MEOX1: variants seen among roughly 807,000 people sequenced by gnomAD.
MEOX1 encodes homeobox protein MOX-1.
In MEOX1, 17 loss-of-function variants were observed where a neutral mutation model predicts 23.2. The ratio of observed to expected loss-of-function variants is 0.73; its 90% CI spans 0.50 to 1.10. The LOEUF is 1.10. Ranked by LOEUF, MEOX1 falls within the 50% of genes least tolerant of loss-of-function variation. The pLI is 0.00. For missense variants in MEOX1, 333 were observed against 332.2 expected, an observed-to-expected ratio of 1.00 and a Z score of -0.02; for synonymous variants, 134 against 135.1, an observed-to-expected ratio of 0.99 and a Z score of 0.06.
In MEOX1 at chr17:43,641,948, C is replaced by T. The variant is rs201573282; in HGVS notation, c.727G>A (p.Glu243Lys). 1.2e-6 allele frequency: 2 copies of T among 1,614,090 alleles called. No individual in the cohort carries two copies. The highest frequency in any genetic ancestry group is 1.7e-5 in the Admixed American group (1 of 60,002). ...GGAGAGGCTGTGGAGTCCCCATCCTCAGGGTCCTGCCCATTGGGGGAGATG... is the reference window on the plus strand; with the variant it reads ...GGAGAGGCTGTGGAGTCCCCATCCTTAGGGTCCTGCCCATTGGGGGAGATG... ...QPISPNGQDP[E>K]DGDSTASPSS... The change falls in exon 3 of 3, where the codon GAG becomes AAG. Residue 243 changes from glutamate to lysine, a missense_variant. Physicochemically the swap from Glu to Lys is moderately conservative, Grantham distance 56. Transcript: ENST00000318579.
chr17:43,642,079 C>A (rs1244914194), intron 2 of MEOX1, 47 bp from the exon 3 acceptor site: 4 of 1,577,504 alleles, frequency 2.5e-6, no homozygotes, highest in Admixed American at 1.8e-5. Flanking sequence ...GCCGGTGTGA[C>A]CTCCTCCCCA....
At chr17:43,656,996 T>TTC (rs1567748160) in intron 1 of MEOX1, among the ~76,000 whole-genome samples, 1 of 128,300 alleles carries the variant, frequency 7.8e-6, no homozygotes, top group Non-Finnish European at 1.6e-5. Flanking sequence ...CTTTCTTTCT[T>TTC]TTTCTTTCTT....
intron 1 of MEOX1, among the ~76,000 whole-genome samples, chr17:43,652,783 T>TATTG (rs1447568403): frequency 6.6e-6 from 1 of 151,640 alleles, no homozygotes. Flanking sequence ...AGGTGACACT[T>TATTG]ATTGGGGTTG....
chr17:43,645,070 C>T (rs747585429), intron 1 of MEOX1, among the ~76,000 whole-genome samples: 1 of 151,898 alleles, frequency 6.6e-6, no homozygotes, highest in Non-Finnish European at 1.5e-5. Flanking sequence ...AAGAAGACCA[C>T]ACACTTACAC....
In MEOX1 at chr17:43,658,120, G is replaced by A. The variant is rs150716542; in HGVS notation, c.469+2946C>T. On this transcript the variant is annotated intron_variant, in intron 1 of 2. Coordinates refer to ENST00000318579, the MANE Select transcript of MEOX1 (RefSeq NM_004527.4). The stretch of plus-strand genomic sequence containing the variant: ...GGCTGGGAAGAACTATGGAAAACGC[G>A]TTTCTGATCAATGCTGGTTAACCTT... Among the ~76,000 whole-genome samples the A allele has an allele frequency of 6.6e-5, 10 of 152,346 alleles. No individual in the cohort carries two copies. The East Asian group carries it at 1.2e-3, about 18-fold the overall frequency.
intron 1 of MEOX1, 54 bp from the exon 2 acceptor site, chr17:43,643,714 CCT>C (rs1972748604): frequency 2.0e-6 from 3 of 1,491,006 alleles, no homozygotes; most frequent in Non-Finnish European, 2.7e-6. Context: ...GACTCCATTC[CCT>C]TTCTTTTGCC....
At chr17:43,655,314 T>G (rs2154588967) in intron 1 of MEOX1, among the ~76,000 whole-genome samples, 1 of 149,736 alleles carries the variant, frequency 6.7e-6, no homozygotes, top group South Asian at 2.1e-4. Flanking sequence ...CTATTAAAAA[T>G]ACAAAAATTA....
chr17:43,656,967 C>T (rs1261922503), intron 1 of MEOX1, among the ~76,000 whole-genome samples: 1 of 150,710 alleles, frequency 6.6e-6, no homozygotes, highest in Non-Finnish European at 1.5e-5. Flanking sequence ...TTCTTTCTTT[C>T]TCCCCGTTTG....
chr17:43,656,722 C>T (rs938671865), intron 1 of MEOX1, among the ~76,000 whole-genome samples: 1 of 152,196 alleles, frequency 6.6e-6, no homozygotes, highest in African/African-American at 2.4e-5. Flanking sequence ...ACTCTAATCA[C>T]ACGCAACCTT....
chr17:43,641,910 T>C lies in MEOX1; in HGVS notation c.765A>G (p.Ter255TrpextTer9), dbSNP rs775448932. ...AGTCATTTTTCCTCCATGCAGAATC[T>C]CACTCTGAACTTGGAGAGGCTGTGG... ...GDSTASPSSE[*>W] The change falls in exon 3 of 3, where the codon TGA becomes TGG. Residue 255 changes from the stop codon to tryptophan (W), a stop_lost. Coordinates refer to ENST00000318579, the MANE Select transcript of MEOX1 (RefSeq NM_004527.4). The C allele has an allele frequency of 1.2e-6, 2 of 1,612,210 alleles. No individual in the cohort carries two copies.
At chr17:43,659,876 C>A (rs1294698998) in intron 1 of MEOX1, among the ~76,000 whole-genome samples, 2 of 152,210 alleles carry the variant, frequency 1.3e-5, no homozygotes, top group Admixed American at 6.5e-5. Flanking sequence ...TCAGTTTGAG[C>A]TTTCTTGGGT....
chr17:43,640,408 A>G lies in MEOX1; in HGVS notation c.*1502T>C, dbSNP rs1424585448. ...GGGAACTTTGCTTTTTATTGATTTT[A>G]TTTCTCCGAGAGTTTTCTTACAAAG... On this transcript the variant is annotated 3_prime_UTR_variant, in exon 3 of 3. Coordinates refer to ENST00000318579, the MANE Select transcript of MEOX1 (RefSeq NM_004527.4). 6.6e-6 allele frequency: 1 copy of G among 152,140 alleles called. No individual in the cohort carries two copies. Among genetic ancestry groups the G allele is most frequent in the African/African-American group, 2.4e-5 (1 of 41,432 alleles). The allele number at this position is 152,140 out of a possible 1,614,324, so 9.4% of individuals were successfully genotyped here.
At chr17:43,657,012 C>CTCTTTTTCTTTCTT (rs1973034853) in intron 1 of MEOX1, among the ~76,000 whole-genome samples, 2 of 105,086 alleles carry the variant, frequency 1.9e-5, no homozygotes, top group Non-Finnish European at 3.8e-5. Context: ...TTCTTTCTTT[C>CTCTTTTTCTTTCTT]TCTTTCTTTC....
intron 1 of MEOX1, among the ~76,000 whole-genome samples, chr17:43,660,477 C>A (rs954413824): frequency 6.6e-6 from 1 of 152,186 alleles, no homozygotes; most frequent in Non-Finnish European, 1.5e-5. Context: ...ATCTGGTGGG[C>A]AGTCTGCCCC....
intron 1 of MEOX1, among the ~76,000 whole-genome samples, chr17:43,650,944 C>T (rs1176118325): frequency 3.3e-5 from 5 of 152,130 alleles, no homozygotes; most frequent in Admixed American, 3.3e-4. Flanking sequence ...AAAGAGACAT[C>T]GGCAGGGCTC....
At chr17:43,643,420 T>G (rs914444862) in intron 2 of MEOX1, 68 bp downstream of exon 2, 17 of 1,372,440 alleles carry the variant, frequency 1.2e-5, no homozygotes, top group African/African-American at 6.1e-5. Flanking sequence ...CAGGGAGGGG[T>G]GGTGGGAAAG....
chr17:43,657,012 CTCTTTCTTTCTTTCTT>C (rs3034954), intron 1 of MEOX1, among the ~76,000 whole-genome samples: 15 of 105,146 alleles, frequency 1.4e-4, no homozygotes, highest in East Asian at 2.7e-4. Context: ...TTCTTTCTTT[CTCTTTCTTTCTTTCTT>C]TCTTTCTTTC....
At chr17:43,645,223 C>CTAGA (rs1345138246) in intron 1 of MEOX1, among the ~76,000 whole-genome samples, 2 of 136,424 alleles carry the variant, frequency 1.5e-5, no homozygotes, top group Non-Finnish European at 3.0e-5. Context: ...GTCGCCAAGG[C>CTAGA]TAGAGTGCAG....
chr17:43,641,889 AT>A lies in MEOX1; in HGVS notation c.*20del. 1.9e-6 allele frequency: 3 copies of A among 1,605,746 alleles called. No homozygotes were observed. Among genetic ancestry groups the A allele is most frequent in the South Asian group, 1.1e-5 (1 of 89,592 alleles). On this transcript the variant is annotated 3_prime_UTR_variant, in exon 3 of 3. Coordinates refer to ENST00000318579, the MANE Select transcript of MEOX1 (RefSeq NM_004527.4). ...TGGGTAGGGGGCTCAGTCCTTAGTCATTTTTCCTCCATGCAGAATCTCACTC... is the reference window on the plus strand; with the variant it reads ...TGGGTAGGGGGCTCAGTCCTTAGTCATTTTCCTCCATGCAGAATCTCACTC...
Sources: allele counts gnomAD v4.1 joint callset (sites outside exome capture counted in the v4.1 genomes callset), GRCh38; gene constraint gnomAD v4.1.1; transcripts MANE v1.5; gene names NCBI Gene and HGNC (gene_info 2026-07-23, HGNC 2026-07-21).